TENM4: variants seen among roughly 807,000 people sequenced by gnomAD.
TENM4 encodes the protein teneurin-4.
In TENM4, 82 loss-of-function variants were observed where a neutral mutation model predicts 243.3. That is an observed-to-expected ratio of 0.34 (90% CI 0.28 to 0.40). TENM4 has a LOEUF of 0.40. TENM4 is among the 10% of genes least tolerant of loss of function. TENM4 has a pLI of 1.00. For synonymous variants in TENM4, 1,412 were observed against 1,456.3 expected (o/e 0.97, Z 0.69); for missense variants, 3,138 against 3,673.3 (o/e 0.85, Z 3.77).
At chr11:78,993,230 C>T (rs1411612508) in intron 6 of TENM4, among the ~76,000 whole-genome samples, 1 of 152,064 alleles carries the variant, frequency 6.6e-6, no homozygotes, top group Non-Finnish European at 1.5e-5. Context: ...GGAAAAGGTG[C>T]TAAGGGAGCC....
intron 3 of TENM4, among the ~76,000 whole-genome samples, chr11:79,164,061 T>C (rs1182943370): frequency 1.6e-4 from 3 of 19,318 alleles, no homozygotes; most frequent in Non-Finnish European, 3.8e-4. Flanking sequence ...ACTATGTATA[T>C]ATAGTGTATA....
At chr11:78,917,468 G>A (rs1333308117) in intron 6 of TENM4, among the ~76,000 whole-genome samples, 4 of 152,154 alleles carry the variant, frequency 2.6e-5, no homozygotes, top group Non-Finnish European at 5.9e-5. Context: ...CATCATTTAC[G>A]ACTGACCACA....
At chr11:79,099,048 A>T (rs1861155888) in intron 4 of TENM4, among the ~76,000 whole-genome samples, 1 of 152,088 alleles carries the variant, frequency 6.6e-6, no homozygotes. Context: ...TTTTCTGCTG[A>T]GCTAAAACCT....
intron 6 of TENM4, among the ~76,000 whole-genome samples, chr11:78,997,959 A>G (rs1171879443): frequency 2.0e-5 from 3 of 152,126 alleles, no homozygotes; most frequent in Non-Finnish European, 4.4e-5. Context: ...GTGTATATAC[A>G]CCGAGGAAAG....
At chr11:78,699,341 T>C (rs141116268) in intron 28 of TENM4, among the ~76,000 whole-genome samples, 7 of 152,354 alleles carry the variant, frequency 4.6e-5, no homozygotes, top group African/African-American at 1.7e-4. Context: ...GAACAGGGAC[T>C]TGTGTTCTGG....
intron 3 of TENM4, among the ~76,000 whole-genome samples, chr11:79,166,570 T>A (rs2135104560): frequency 6.6e-6 from 1 of 152,342 alleles, no homozygotes; most frequent in African/African-American, 2.4e-5. Flanking sequence ...TATTGACCCT[T>A]ATTACCTTAT....
chr11:79,173,451 C>T (rs967485800), intron 3 of TENM4, among the ~76,000 whole-genome samples: 1 of 152,086 alleles, frequency 6.6e-6, no homozygotes, highest in Non-Finnish European at 1.5e-5. Context: ...GCTGGCTTAT[C>T]CTCTGCCTCA....
At chr11:79,350,942 T>A (rs148222223) in intron 1 of TENM4, among the ~76,000 whole-genome samples, 51 of 152,236 alleles carry the variant, frequency 3.4e-4, no homozygotes, top group African/African-American at 1.1e-3. Context: ...CAAGATTCTA[T>A]GTGGCCTGAC....
intron 4 of TENM4, among the ~76,000 whole-genome samples, chr11:79,139,772 TATATA>T (rs1862241651): frequency 2.9e-5 from 1 of 34,796 alleles, no homozygotes; most frequent in Non-Finnish European, 6.1e-5. Context: ...TTTATATAAA[TATATA>T]ATATATATTA....
chr11:79,029,190 A>G (rs1328932778), intron 6 of TENM4, among the ~76,000 whole-genome samples: 1 of 152,092 alleles, frequency 6.6e-6, no homozygotes, highest in Non-Finnish European at 1.5e-5. Flanking sequence ...CCTCTTTTTG[A>G]CTATCTTTAC....
intron 3 of TENM4, among the ~76,000 whole-genome samples, chr11:79,206,251 G>A (rs1406821389): frequency 1.3e-5 from 2 of 152,180 alleles, no homozygotes; most frequent in African/African-American, 4.8e-5. Flanking sequence ...AAAAGCCAAG[G>A]GGACAGAATG....
At chr11:79,038,484 C>T (rs557641544) in intron 6 of TENM4, among the ~76,000 whole-genome samples, 2 of 152,300 alleles carry the variant, frequency 1.3e-5, no homozygotes, top group African/African-American at 4.8e-5. Flanking sequence ...CAATGCCTTC[C>T]TTGGCCACAT....
chr11:78,762,895 G>A (rs77020065), intron 18 of TENM4, among the ~76,000 whole-genome samples: 2,259 of 152,270 alleles, frequency 0.015, 73 homozygotes, highest in African/African-American at 0.052. Context: ...AAAAAAAAGC[G>A]TGCTGTAGGG....
intron 7 of TENM4, among the ~76,000 whole-genome samples, chr11:78,901,590 G>A (rs1855930217): frequency 6.6e-6 from 1 of 152,146 alleles, no homozygotes; most frequent in South Asian, 2.1e-4. Flanking sequence ...TGGGAAAGAT[G>A]AACATCCAAG....
At chr11:78,758,571 G>T (rs767870797) in intron 18 of TENM4, among the ~76,000 whole-genome samples, 12 of 152,154 alleles carry the variant, frequency 7.9e-5, no homozygotes, top group Non-Finnish European at 1.3e-4. Context: ...TTTCTCCATG[G>T]AGTTTACAAT....
intron 5 of TENM4, among the ~76,000 whole-genome samples, chr11:79,069,390 A>C (rs1285983083): frequency 2.0e-5 from 3 of 152,180 alleles, no homozygotes; most frequent in Non-Finnish European, 1.5e-5. Flanking sequence ...GAGGCTTCTC[A>C]CGGCCATGTA....
Position 78,661,600 on chromosome 11 carries a change from G to C in TENM4, c.7409-9C>G. 1 of 1,612,272 alleles carries C rather than the reference G, an allele frequency of 6.2e-7. No individual in the cohort carries two copies. The highest frequency in any genetic ancestry group is 8.5e-7 in the Non-Finnish European group (1 of 1,179,322). On this transcript the variant is annotated splice_polypyrimidine_tract_variant and intron_variant, in intron 32 of 33. Transcript: ENST00000278550. ...CAGCCAGCTGTTAACATCTGGATGG[G>C]AGGGAAGCAGAAACATCTCCATGGA...
intron 1 of TENM4, among the ~76,000 whole-genome samples, chr11:79,419,529 T>C (rs560718570): frequency 9.2e-5 from 14 of 152,252 alleles, no homozygotes; most frequent in East Asian, 1.9e-4. Flanking sequence ...ATGGTTAAAT[T>C]AGATTGGCAA....
At chr11:79,215,462 T>C (rs1389029155) in intron 3 of TENM4, among the ~76,000 whole-genome samples, 1 of 152,090 alleles carries the variant, frequency 6.6e-6, no homozygotes, top group Non-Finnish European at 1.5e-5. Context: ...ATGACCTTGA[T>C]TGGCATTGCT....
Sources: allele counts gnomAD v4.1 joint callset (sites outside exome capture counted in the v4.1 genomes callset), GRCh38; gene constraint gnomAD v4.1.1; transcripts MANE v1.5; gene names NCBI Gene and HGNC (gene_info 2026-07-23, HGNC 2026-07-21).